Variants in ATP13A3 observed in about 807,000 individuals in gnomAD.
ATP13A3 encodes the protein polyamine-transporting ATPase 13A3.
In ATP13A3, 59 loss-of-function variants were observed where a neutral mutation model predicts 158.1. That is an observed-to-expected ratio of 0.37 (90% CI 0.30 to 0.46). The LOEUF is 0.46. Among genes scored for constraint, ATP13A3 ranks in the 20% least tolerant of loss-of-function variants. The pLI, the probability that ATP13A3 is intolerant of heterozygous loss-of-function variation, is 1.00. For missense variants in ATP13A3, 1,166 were observed against 1,525.2 expected (o/e 0.76, Z 3.92); for synonymous variants, 491 against 504.3 (o/e 0.97, Z 0.35).
At chr3:194,480,304 A>G (rs1180273035) in intron 2 of ATP13A3, among the ~76,000 whole-genome samples, 2 of 152,196 alleles carry the variant, frequency 1.3e-5, no homozygotes, top group East Asian at 3.8e-4. Flanking sequence ...CCACATTTTT[A>G]TCCAATACAC....
chr3:194,482,883 G>A (rs776606004), intron 2 of ATP13A3, among the ~76,000 whole-genome samples: 1 of 152,114 alleles, frequency 6.6e-6, no homozygotes, highest in South Asian at 2.1e-4. Flanking sequence ...CGAGGCAGGC[G>A]GATCACAAGG....
At chr3:194,468,977 T>C (rs1720164961) in intron 2 of ATP13A3, among the ~76,000 whole-genome samples, 1 of 151,744 alleles carries the variant, frequency 6.6e-6, no homozygotes, top group South Asian at 2.1e-4. Context: ...CTACTAAAAA[T>C]ACAAAAATGA....
At chr3:194,460,400 G>A (rs1719563706) in intron 4 of ATP13A3, among the ~76,000 whole-genome samples, 1 of 152,142 alleles carries the variant, frequency 6.6e-6, no homozygotes, top group African/African-American at 2.4e-5. Flanking sequence ...CACCGTAACA[G>A]ACAAGTAGCT....
intron 31 of ATP13A3, among the ~76,000 whole-genome samples, chr3:194,414,111 C>A (rs1407403556): frequency 6.6e-6 from 1 of 152,106 alleles, no homozygotes; most frequent in East Asian, 1.9e-4. Flanking sequence ...AGCCCATGCT[C>A]TACTAGATCA....
Position 194,437,184 on chromosome 3 carries a change from G to A in ATP13A3, c.2031C>T (p.Asp677=), listed in dbSNP as rs376846944. The change falls in exon 20 of 34, where the codon GAC becomes GAT. Residue 677 remains aspartate (D), a synonymous_variant. Coordinates refer to ENST00000645319, the MANE Select transcript of ATP13A3 (RefSeq NM_001367549.1). ...VPVDFQNVLE[D]FTKQGFRVIA... ...TCACACGGAAGCCCTGTTTAGTGAAGTCTTCCAAAACGTTTTGAAAATCGA... is the reference window on the plus strand; with the variant it reads ...TCACACGGAAGCCCTGTTTAGTGAAATCTTCCAAAACGTTTTGAAAATCGA... The A allele has an allele frequency of 1.3e-4, 217 of 1,613,952 alleles. No individual in the cohort carries two copies. The highest frequency in any genetic ancestry group is 3.3e-4 in the Middle Eastern group (2 of 6,082).
chr3:194,465,378 C>A (rs1719927008), intron 2 of ATP13A3, among the ~76,000 whole-genome samples: 1 of 152,100 alleles, frequency 6.6e-6, no homozygotes, highest in South Asian at 2.1e-4. Context: ...AAGATGGACT[C>A]CCTCAAGCCT....
At chr3:194,490,322 A>G (rs538376210), upstream of ATP13A3, among the ~76,000 whole-genome samples, 4 of 152,088 alleles carry the variant, frequency 2.6e-5, no homozygotes, top group Non-Finnish European at 4.4e-5. The surrounding 1 kb of genome is among the most constrained non-coding windows in gnomAD (Gnocchi z 4.4). Context: ...TGTTAGGCCA[A>G]CTCCAGGGGC....
chr3:194,424,438 A>G (rs948330294), intron 30 of ATP13A3: 7 of 152,140 alleles, frequency 4.6e-5, no homozygotes, highest in African/African-American at 1.7e-4. Flanking sequence ...TTGCCCTACA[A>G]ACCAACAGGG....
Position 194,438,975 on chromosome 3 carries a change from G to GT in ATP13A3, c.1711-4_1711-3insA. The GT allele has an allele frequency of 6.5e-7, 1 of 1,544,938 alleles. No individual in the cohort carries two copies. Among genetic ancestry groups the GT allele is most frequent in the Non-Finnish European group, 8.8e-7 (1 of 1,141,978 alleles). On this transcript the variant is annotated splice_region_variant and splice_polypyrimidine_tract_variant and intron_variant, in intron 16 of 33. Coordinates refer to ENST00000645319, the MANE Select transcript of ATP13A3 (RefSeq NM_001367549.1). Reference sequence around the variant, plus strand: ...TCTTCAGTTGCTTCTTCCAGAATCTGGAAAAAAAAAAGAGACAAAAAAAAA... The same window carrying GT: ...TCTTCAGTTGCTTCTTCCAGAATCTGTGAAAAAAAAAAGAGACAAAAAAAAA...
chr3:194,423,813 G>T (rs968138231), intron 30 of ATP13A3, among the ~76,000 whole-genome samples: 25 of 151,904 alleles, frequency 1.6e-4, no homozygotes, highest in African/African-American at 6.0e-4. Context: ...TTTAGAAACA[G>T]GCAACTAATA....
intron 2 of ATP13A3, among the ~76,000 whole-genome samples, chr3:194,468,564 T>C (rs1202673703): frequency 2.6e-5 from 4 of 152,232 alleles, no homozygotes; most frequent in Non-Finnish European, 4.4e-5. Flanking sequence ...TCAGATTTCA[T>C]TCCTTAAAAC....
chr3:194,481,651 G>A (rs571839469), intron 2 of ATP13A3, among the ~76,000 whole-genome samples: 1 of 152,198 alleles, frequency 6.6e-6, no homozygotes, highest in Admixed American at 6.5e-5. Flanking sequence ...AACTCACTGA[G>A]CTAGAACCAT....
chr3:194,455,702 C>G (rs568790303), intron 8 of ATP13A3, among the ~76,000 whole-genome samples, 191 bp downstream of exon 8: 1 of 152,244 alleles, frequency 6.6e-6, no homozygotes, highest in South Asian at 2.1e-4. Flanking sequence ...CAAAACTAGA[C>G]AAAATTTTAA....
intron 2 of ATP13A3, among the ~76,000 whole-genome samples, chr3:194,470,088 A>G (rs972571130): frequency 6.6e-6 from 1 of 152,176 alleles, no homozygotes; most frequent in African/African-American, 2.4e-5. Context: ...TAATGAATAC[A>G]TGGAAATTTT....
chr3:194,425,550 G>C, intron 29 of ATP13A3, 21 bp from the exon 30 acceptor site: 1 of 1,577,908 alleles, frequency 6.3e-7, no homozygotes. Flanking sequence ...TGCAAAAAAT[G>C]TCTGCATTAG....
intron 10 of ATP13A3, 111 bp from the exon 11 acceptor site, chr3:194,450,387 G>C: frequency 9.3e-7 from 1 of 1,073,330 alleles, no homozygotes; most frequent in South Asian, 1.6e-5. Context: ...TTATAATGGG[G>C]TAAAATAGAA....
chr3:194,431,974 TAC>T, intron 21 of ATP13A3, 82 bp from the exon 22 acceptor site: 2 of 1,164,094 alleles, frequency 1.7e-6, no homozygotes, highest in Non-Finnish European at 2.3e-6. Context: ...GAGAATCTAC[TAC>T]AGTCTCCATG....
chr3:194,446,172 A>C (rs996673772), intron 14 of ATP13A3, among the ~76,000 whole-genome samples: 4 of 152,238 alleles, frequency 2.6e-5, no homozygotes, highest in African/African-American at 9.6e-5. Context: ...TTGAGAAAAT[A>C]AGAAATATAG....
At chr3:194,414,465 A>G (rs1160082248) in intron 31 of ATP13A3, among the ~76,000 whole-genome samples, 1 of 151,982 alleles carries the variant, frequency 6.6e-6, no homozygotes, top group East Asian at 1.9e-4. Context: ...GCCTTAAAAA[A>G]AAAAAAAAAG....
Sources: gnomAD v4.1 joint callset for allele counts (sites outside exome capture counted in the v4.1 genomes callset) on GRCh38, gnomAD v4.1.1 for gene constraint, Gnocchi (gnomAD v3.1) non-coding constraint, MANE v1.5 for transcripts, NCBI Gene and HGNC (gene_info 2026-07-23, HGNC 2026-07-21) for gene names.